Variants in PTPRT observed in about 807,000 individuals in gnomAD.
PTPRT encodes receptor-type tyrosine-protein phosphatase T.
Under a neutral mutation model 176.8 loss-of-function variants are expected in PTPRT, and 56 were observed. The ratio of observed to expected loss-of-function variants is 0.32; its 90% CI spans 0.26 to 0.40. The LOEUF is 0.40. Among genes scored for constraint, PTPRT ranks in the 10% least tolerant of loss-of-function variants. The pLI is 1.00. For missense variants in PTPRT, 1,540 were observed against 1,908.2 expected (o/e 0.81, Z 3.60); for synonymous variants, 783 against 739.0 (o/e 1.06, Z -0.96).
chr20:42,183,329 C>A (rs1425339018), intron 16 of PTPRT, among the ~76,000 whole-genome samples: 3 of 152,006 alleles, frequency 2.0e-5, no homozygotes, highest in Non-Finnish European at 4.4e-5. Context: ...CAAGGAAGAC[C>A]AACACCATGG....
At chr20:42,736,577 A>G (rs2076543316) in intron 6 of PTPRT, among the ~76,000 whole-genome samples, 1 of 152,230 alleles carries the variant, frequency 6.6e-6, no homozygotes, top group African/African-American at 2.4e-5. Context: ...ATACATGTGT[A>G]GTTTCAAGAA....
At chr20:42,718,730 C>A (rs565117553) in intron 6 of PTPRT, among the ~76,000 whole-genome samples, 3 of 151,992 alleles carry the variant, frequency 2.0e-5, no homozygotes, top group Admixed American at 2.0e-4. Context: ...GGAGTGAGAC[C>A]GAGGAGGGCT....
intron 7 of PTPRT, among the ~76,000 whole-genome samples, chr20:42,516,423 T>C (rs372322280): frequency 8.5e-5 from 13 of 152,200 alleles, no homozygotes; most frequent in African/African-American, 2.9e-4. Context: ...TATTCATTTA[T>C]GACTAGCTTT....
At chr20:42,319,603 C>T (rs1158283468) in intron 11 of PTPRT, among the ~76,000 whole-genome samples, 3 of 152,252 alleles carry the variant, frequency 2.0e-5, no homozygotes, top group African/African-American at 7.2e-5. Flanking sequence ...GTGGATTCAG[C>T]CTCTCTCAAA....
At chr20:42,519,224 T>C (rs901515714) in intron 7 of PTPRT, among the ~76,000 whole-genome samples, 2 of 152,164 alleles carry the variant, frequency 1.3e-5, no homozygotes, top group Non-Finnish European at 2.9e-5. Flanking sequence ...AATAGAATCA[T>C]ACAGCATGAA....
intron 15 of PTPRT, among the ~76,000 whole-genome samples, chr20:42,216,058 G>A (rs907108057): frequency 7.9e-5 from 12 of 152,136 alleles, no homozygotes; most frequent in African/African-American, 2.7e-4. Context: ...AGCGTCTCCT[G>A]GTTGCTGAGG....
chr20:42,104,514 GTT>G (rs1986243304), intron 25 of PTPRT, 53 bp downstream of exon 25: 1 of 1,516,868 alleles, frequency 6.6e-7, no homozygotes, highest in East Asian at 2.3e-5. Flanking sequence ...ATGGAAATTT[GTT>G]ATAACAACCC....
intron 1 of PTPRT, among the ~76,000 whole-genome samples, chr20:43,042,824 A>G (rs1291607299): frequency 1.3e-5 from 2 of 150,402 alleles, no homozygotes; most frequent in East Asian, 3.9e-4. Context: ...GGTTTATGCC[A>G]CTCTCTCCTT....
rs6030546 is a variant in PTPRT, at chr20:42,888,059, C to A, written c.89-2127G>T. On this transcript the variant is annotated intron_variant, in intron 1 of 30. Coordinates refer to ENST00000373187, the MANE Select transcript of PTPRT (RefSeq NM_007050.6). Reference sequence around the variant, plus strand: ...ACCTTGATCTTGAACTTGCCAACCCCCAGAACTATGAGCAATAACTTTCTA... The same window carrying A: ...ACCTTGATCTTGAACTTGCCAACCCACAGAACTATGAGCAATAACTTTCTA... Among the ~76,000 whole-genome samples the A allele has an allele frequency of 5.8e-3, 877 of 152,170 alleles. 15 individuals are homozygous for A. The highest frequency in any genetic ancestry group is 0.02 in the African/African-American group (835 of 41,502).
intron 7 of PTPRT, among the ~76,000 whole-genome samples, chr20:42,554,503 C>T (rs187505349): frequency 4.1e-4 from 63 of 152,224 alleles, no homozygotes; most frequent in Admixed American, 1.1e-3. Flanking sequence ...GCACAGGTCC[C>T]AATTGCCTAC....
chr20:42,651,500 G>T (rs139949414), intron 7 of PTPRT, among the ~76,000 whole-genome samples: 18 of 152,286 alleles, frequency 1.2e-4, no homozygotes, highest in Middle Eastern at 3.4e-3. Flanking sequence ...AAGAGATTAA[G>T]CAACAGTCAT....
chr20:43,175,591 CGGGCTCTG>C (rs1568827423), intron 1 of PTPRT, among the ~76,000 whole-genome samples: 7 of 56,488 alleles, frequency 1.2e-4, no homozygotes, highest in Non-Finnish European at 2.2e-4. Context: ...AGCGAGACCC[CGGGCTCTG>C]ACTGTGCCAC....
chr20:42,289,233 A>C (rs1330865557), intron 12 of PTPRT, among the ~76,000 whole-genome samples: 1 of 152,130 alleles, frequency 6.6e-6, no homozygotes, highest in African/African-American at 2.4e-5. Flanking sequence ...TTTATGACTG[A>C]GACCTCAAAA....
intron 7 of PTPRT, among the ~76,000 whole-genome samples, chr20:42,653,123 A>G (rs189109723): frequency 2.6e-4 from 40 of 152,288 alleles, no homozygotes; most frequent in African/African-American, 8.7e-4. Flanking sequence ...ATTGAACCAT[A>G]GAGGCGGTTA....
At chr20:42,753,168 C>T (rs1283971964) in intron 6 of PTPRT, among the ~76,000 whole-genome samples, 3 of 152,234 alleles carry the variant, frequency 2.0e-5, no homozygotes, top group African/African-American at 7.2e-5. Flanking sequence ...ACAGCAAGAC[C>T]ACAACCCACC....
chr20:42,861,482 T>C (rs968711026), intron 2 of PTPRT, among the ~76,000 whole-genome samples: 3 of 152,138 alleles, frequency 2.0e-5, no homozygotes, highest in Admixed American at 6.5e-5. Flanking sequence ...CATTCATTCA[T>C]TTAAGAAAAA....
At chr20:42,283,069 G>C (rs369244406) in intron 12 of PTPRT, among the ~76,000 whole-genome samples, 4 of 152,196 alleles carry the variant, frequency 2.6e-5, no homozygotes, top group African/African-American at 9.6e-5. Context: ...TGTGGGCCTC[G>C]CAACCTTCAT....
chr20:42,612,430 G>A (rs1016026903), intron 7 of PTPRT, among the ~76,000 whole-genome samples: 3 of 152,132 alleles, frequency 2.0e-5, no homozygotes, highest in East Asian at 1.9e-4. Flanking sequence ...CAGAAGCCCA[G>A]GCAGCAGCTG....
intron 12 of PTPRT, among the ~76,000 whole-genome samples, chr20:42,296,888 A>C (rs1234164468): frequency 1.3e-5 from 2 of 152,172 alleles, no homozygotes; most frequent in Non-Finnish European, 2.9e-5. Flanking sequence ...TCAATGATGT[A>C]CTTATTTCAT....
Sources: allele counts gnomAD v4.1 joint callset (sites outside exome capture counted in the v4.1 genomes callset), GRCh38; gene constraint gnomAD v4.1.1; transcripts MANE v1.5; gene names NCBI Gene and HGNC (gene_info 2026-07-23, HGNC 2026-07-21).